Variants in RNF6 observed in about 807,000 individuals in gnomAD.
RNF6 encodes the protein ring finger protein 6.
RNF6 carries 21 observed loss-of-function variants against 50.1 expected under a neutral mutation model. The observed-to-expected ratio is 0.42, with a 90% CI of 0.30 to 0.60. The LOEUF is 0.60. RNF6 is among the 20% of genes least tolerant of loss of function. RNF6 has a pLI of 0.20. For synonymous variants in RNF6, 255 were observed against 291.8 expected (o/e 0.87, Z 1.29); for missense variants, 698 against 838.2 (o/e 0.83, Z 2.07).
chr13:26,178,308 G>A (rs955447324), intron 5 of RNF6, among the ~76,000 whole-genome samples: 1 of 152,122 alleles, frequency 6.6e-6, no homozygotes, highest in Non-Finnish European at 1.5e-5. Context: ...GTCTTGGGAG[G>A]GCTTACTTTC....
At chr13:26,181,294 A>T (rs946050229) in intron 5 of RNF6, among the ~76,000 whole-genome samples, 3 of 152,218 alleles carry the variant, frequency 2.0e-5, no homozygotes, top group African/African-American at 4.8e-5. Context: ...CTCTAAAGGA[A>T]GAAAGGAAAA....
chr13:26,153,143 A>C (rs1166928831), intron 5 of RNF6, among the ~76,000 whole-genome samples: 1 of 136,692 alleles, frequency 7.3e-6, no homozygotes, highest in Non-Finnish European at 1.6e-5. Flanking sequence ...ACAGAGCAAG[A>C]CTCTGTCTCA....
At chr13:26,149,622 C>T (rs1165038619) in intron 5 of RNF6, among the ~76,000 whole-genome samples, 1 of 151,306 alleles carries the variant, frequency 6.6e-6, no homozygotes, top group African/African-American at 2.4e-5. Flanking sequence ...ATAGAGGCAG[C>T]CAACTTAATT....
intron 4 of RNF6, 62 bp downstream of exon 4, chr13:26,218,449 G>A: frequency 7.6e-7 from 1 of 1,309,104 alleles, no homozygotes; most frequent in Non-Finnish European, 1.1e-6. Context: ...CAAGGTCTAA[G>A]AATTTCATTT....
intron 5 of RNF6, among the ~76,000 whole-genome samples, chr13:26,173,414 AAGAC>A (rs1419011332): frequency 2.0e-5 from 3 of 152,250 alleles, no homozygotes; most frequent in Admixed American, 1.3e-4. Context: ...AATAGATAGA[AAGAC>A]AGATCAATAG....
At chr13:26,154,215 G>A (rs1593153041) in intron 5 of RNF6, 1 of 152,210 alleles carries the variant, frequency 6.6e-6, no homozygotes, top group South Asian at 2.1e-4. Context: ...TTGATATTCG[G>A]AACTCTAAAA....
rs542657923 is a variant in RNF6 at position 26,176,122 on chromosome 13, A to T, written n.768+39352T>A. Among the ~76,000 whole-genome samples, 3 of 152,302 alleles carry T rather than the reference A, an allele frequency of 2.0e-5. No homozygotes were observed. In the East Asian group the frequency reaches 5.8e-4, roughly 29 times the overall value. On this transcript the variant is annotated intron_variant and non_coding_transcript_variant, in intron 5 of 5. Transcript: ENST00000468480. ...GTCTAAGGCGTGAGGCCTGATGTGA[A>T]CTAATGAAGAGGAATGAAGGAGGAC...
At chr13:26,170,819 G>C (rs560554345) in intron 5 of RNF6, among the ~76,000 whole-genome samples, 1 of 152,316 alleles carries the variant, frequency 6.6e-6, no homozygotes, top group South Asian at 2.1e-4. Flanking sequence ...GGGAATATTG[G>C]AGCCACACTT....
chr13:26,132,206 C>A, exon 6 of RNF6: 1 of 250,212 alleles, frequency 4.0e-6, no homozygotes, highest in South Asian at 4.8e-5. Flanking sequence ...ATTTCAAAGC[C>A]AAGTACAATA....
intron 5 of RNF6, among the ~76,000 whole-genome samples, chr13:26,183,902 A>AT (rs1555317778): frequency 2.1e-5 from 3 of 144,596 alleles, no homozygotes; most frequent in Admixed American, 6.9e-5. Flanking sequence ...ATACTTATTT[A>AT]TATATGTAAT....
intron 5 of RNF6, among the ~76,000 whole-genome samples, chr13:26,148,363 T>C (rs1282816205): frequency 6.6e-6 from 1 of 151,980 alleles, no homozygotes; most frequent in Non-Finnish European, 1.5e-5. Flanking sequence ...TTGCTTCTTA[T>C]AAGTGATTGA....
intron 5 of RNF6, among the ~76,000 whole-genome samples, chr13:26,150,405 T>C (rs1446596461): frequency 6.6e-6 from 1 of 152,080 alleles, no homozygotes; most frequent in Non-Finnish European, 1.5e-5. Flanking sequence ...TCTGCAAGAG[T>C]GACCTAAGCC....
intron 5 of RNF6, among the ~76,000 whole-genome samples, chr13:26,203,237 G>A (rs538172028): frequency 6.6e-6 from 1 of 152,322 alleles, no homozygotes; most frequent in East Asian, 1.9e-4. Context: ...ACCTTAAGAG[G>A]ATTCAGAGGA....
At chr13:26,181,319 C>A (rs927624838) in intron 5 of RNF6, among the ~76,000 whole-genome samples, 2 of 152,202 alleles carry the variant, frequency 1.3e-5, no homozygotes, top group African/African-American at 4.8e-5. Flanking sequence ...TGGTTGGGAA[C>A]ACCAAGATTG....
intron 5 of RNF6, among the ~76,000 whole-genome samples, chr13:26,173,645 A>T (rs934377824): frequency 6.6e-5 from 10 of 152,292 alleles, no homozygotes; most frequent in Admixed American, 2.0e-4. Flanking sequence ...GCTGGACATA[A>T]TAAAAGTGAT....
intron 5 of RNF6, among the ~76,000 whole-genome samples, chr13:26,140,281 C>T (rs575829218): frequency 3.9e-5 from 6 of 152,188 alleles, no homozygotes; most frequent in African/African-American, 7.2e-5. Flanking sequence ...GAGCAATGAA[C>T]GATTCGTGAA....
At chr13:26,198,253 C>T (rs749934309) in intron 5 of RNF6, among the ~76,000 whole-genome samples, 10 of 151,442 alleles carry the variant, frequency 6.6e-5, no homozygotes, top group Non-Finnish European at 1.5e-4. Context: ...AGGATAGAGA[C>T]CCAGGAAAGA....
chr13:26,202,676 CAGA>C (rs1868940768), intron 5 of RNF6, among the ~76,000 whole-genome samples: 2 of 152,086 alleles, frequency 1.3e-5, no homozygotes, highest in Non-Finnish European at 2.9e-5. Context: ...AACTGATCCC[CAGA>C]AGAACAGACT....
downstream of RNF6, chr13:26,212,744 A>G (rs1869385451): frequency 6.6e-6 from 1 of 150,930 alleles, no homozygotes; most frequent in African/African-American, 2.4e-5. Flanking sequence ...ACCACAGTGG[A>G]ACAACAGAAA....
Sources: gnomAD v4.1 joint callset for allele counts (sites outside exome capture counted in the v4.1 genomes callset) on GRCh38, gnomAD v4.1.1 for gene constraint, MANE v1.5 for transcripts, NCBI Gene and HGNC (gene_info 2026-07-23, HGNC 2026-07-21) for gene names.